MCPH1: variants seen among roughly 807,000 people sequenced by gnomAD.
MCPH1 encodes the protein microcephalin.
MCPH1 carries 104 observed loss-of-function variants against 84.5 expected under a neutral mutation model. That is an observed-to-expected ratio of 1.23 (90% confidence interval 1.05 to 1.45). MCPH1 has a LOEUF of 1.45. Ranked by LOEUF, MCPH1 falls within the 40% of genes most tolerant of loss-of-function variation. The pLI is 0.00. For synonymous variants in MCPH1, 514 were observed against 366.8 expected, an observed-to-expected ratio of 1.40 and a Z score of -4.58; for missense variants, 1,498 against 1,005.7, an observed-to-expected ratio of 1.49 and a Z score of -6.62.
intron 12 of MCPH1, among the ~76,000 whole-genome samples, chr8:6,544,360 G>A (rs1379324988): frequency 1.3e-5 from 2 of 152,270 alleles, no homozygotes; most frequent in South Asian, 2.1e-4. Flanking sequence ...TGACTGTGCT[G>A]GAAAGAGAGA....
At chr8:6,531,156 C>T (rs1039906665) in intron 12 of MCPH1, among the ~76,000 whole-genome samples, 2 of 151,868 alleles carry the variant, frequency 1.3e-5, no homozygotes, top group Admixed American at 6.6e-5. Context: ...CTGCTAATAG[C>T]AGCTTTTCCC....
intron 12 of MCPH1, among the ~76,000 whole-genome samples, chr8:6,545,682 A>G (rs1481687972): frequency 6.6e-6 from 1 of 152,240 alleles, no homozygotes; most frequent in Admixed American, 6.5e-5. Flanking sequence ...TGTGGTTCCC[A>G]TTAGTCTAAA....
intron 12 of MCPH1, among the ~76,000 whole-genome samples, chr8:6,510,247 G>C (rs540694405): frequency 1.4e-4 from 21 of 151,858 alleles, no homozygotes; most frequent in Non-Finnish European, 3.1e-4. Flanking sequence ...GATCAGAGCA[G>C]GCATTCACGT....
In MCPH1 at chr8:6,446,578, C is replaced by T. The variant is rs997600056; in HGVS notation, c.1825+1031C>T. ...TGACAAGAAACTGTATTTTATGTTC[C>T]ATTAGCCTTAGTATGTGTTTTCAAA... On this transcript the variant is annotated intron_variant, in intron 8 of 13. Coordinates refer to ENST00000344683, the MANE Select transcript of MCPH1 (RefSeq NM_024596.5). The T allele has an allele frequency of 7.1e-6, 7 of 981,772 alleles. No homozygotes were observed. The African/African-American group carries it at 8.8e-5, about 12-fold the overall frequency. 60.8% of individuals were successfully genotyped at this position (981,772 alleles called of 1,614,324 possible).
At chr8:6,512,697 C>G (rs1815400502) in intron 12 of MCPH1, among the ~76,000 whole-genome samples, 1 of 152,198 alleles carries the variant, frequency 6.6e-6, no homozygotes, top group African/African-American at 2.4e-5. Context: ...ACTAGGTTGT[C>G]AAGTCCCATT....
intron 12 of MCPH1, among the ~76,000 whole-genome samples, chr8:6,602,436 G>C (rs902092507): frequency 5.3e-5 from 8 of 152,146 alleles, no homozygotes; most frequent in Non-Finnish European, 1.0e-4. Context: ...CAGTGTCTGT[G>C]AGGATAGGAG....
intron 11 of MCPH1, among the ~76,000 whole-genome samples, chr8:6,490,960 C>G (rs926650187): frequency 9.5e-6 from 1 of 105,078 alleles, no homozygotes; most frequent in African/African-American, 3.3e-5. Context: ...ATCAATAATG[C>G]TATTAATCAT....
intron 12 of MCPH1, among the ~76,000 whole-genome samples, chr8:6,582,529 A>G (rs774119882): frequency 9.9e-5 from 15 of 152,038 alleles, no homozygotes; most frequent in Non-Finnish European, 2.1e-4. Context: ...ATTGATCCTT[A>G]CTCCTTTATT....
chr8:6,624,804 G>A (rs967937614), intron 13 of MCPH1: 25 of 985,010 alleles, frequency 2.5e-5, no homozygotes, highest in South Asian at 4.7e-5. Context: ...CACAGTCCAG[G>A]GCATTGCGTT....
chr8:6,482,093 A>C (rs1175819767), intron 11 of MCPH1, among the ~76,000 whole-genome samples: 1 of 152,056 alleles, frequency 6.6e-6, no homozygotes, highest in Non-Finnish European at 1.5e-5. Flanking sequence ...ATCAGATAGA[A>C]TCTCGTGATT....
chr8:6,438,568 G>T (rs1803014487), intron 5 of MCPH1, among the ~76,000 whole-genome samples: 1 of 152,204 alleles, frequency 6.6e-6, no homozygotes, highest in South Asian at 2.1e-4. Flanking sequence ...GATGGTTCAT[G>T]GGGGCAGTTT....
intron 12 of MCPH1, among the ~76,000 whole-genome samples, chr8:6,610,101 T>C (rs955117948): frequency 6.6e-6 from 1 of 152,228 alleles, no homozygotes; most frequent in East Asian, 1.9e-4. Context: ...ATGTTCGCTA[T>C]TTTTACTGGC....
intron 12 of MCPH1, among the ~76,000 whole-genome samples, chr8:6,537,787 C>T (rs1164044214): frequency 6.6e-6 from 1 of 152,042 alleles, no homozygotes; most frequent in East Asian, 1.9e-4. Context: ...GAAACTGGCT[C>T]AGTAAAGGAA....
intron 12 of MCPH1, among the ~76,000 whole-genome samples, chr8:6,596,559 A>C (rs1828938986): frequency 6.6e-6 from 1 of 152,118 alleles, no homozygotes; most frequent in African/African-American, 2.4e-5. Flanking sequence ...CTGGGCAGTA[A>C]GGAAGCCAGA....
intron 12 of MCPH1, among the ~76,000 whole-genome samples, chr8:6,551,086 T>A (rs996429567): frequency 1.3e-5 from 2 of 152,210 alleles, no homozygotes; most frequent in African/African-American, 4.8e-5. Context: ...GGGATTTCCT[T>A]GGGTGCTTAC....
intron 9 of MCPH1, among the ~76,000 whole-genome samples, chr8:6,476,976 G>C (rs1808544909): frequency 6.6e-6 from 1 of 151,964 alleles, no homozygotes; most frequent in Admixed American, 6.6e-5. Flanking sequence ...TTGTGTTTCT[G>C]ATTATATATT....
chr8:6,462,594 C>T (rs1159551049), intron 9 of MCPH1, among the ~76,000 whole-genome samples: 5 of 152,196 alleles, frequency 3.3e-5, no homozygotes, highest in African/African-American at 4.8e-5. Context: ...CATGGCAGCG[C>T]AGTGTTGCTA....
chr8:6,625,726 G>A (rs1832005651), intron 13 of MCPH1: 6 of 977,882 alleles, frequency 6.1e-6, no homozygotes, highest in Non-Finnish European at 6.1e-6. Context: ...CAAGGCTGCG[G>A]TGAGCAACGA....
At chr8:6,563,951 GCC>G (rs986979262) in intron 12 of MCPH1, among the ~76,000 whole-genome samples, 14 of 148,178 alleles carry the variant, frequency 9.4e-5, no homozygotes, top group Non-Finnish European at 1.8e-4. Context: ...GAATTTAAGT[GCC>G]TGTGTAGAAA....
Sources: allele counts gnomAD v4.1 joint callset (sites outside exome capture counted in the v4.1 genomes callset), GRCh38; gene constraint gnomAD v4.1.1; transcripts MANE v1.5; gene names NCBI Gene and HGNC (gene_info 2026-07-23, HGNC 2026-07-21).